The following MMP28 variants were observed in gnomAD, a reference collection of about 807,000 sequenced individuals.
The protein encoded by MMP28 is matrix metallopeptidase 28.
A neutral mutation model predicts 60.5 loss-of-function variants in MMP28; 55 were observed. The ratio of observed to expected loss-of-function variants is 0.91; its 90% confidence interval spans 0.73 to 1.14. The LOEUF (loss-of-function observed/expected upper bound fraction) is 1.14, where lower values mean the gene tolerates loss of function less well. Ranked by LOEUF, MMP28 falls within the 50% of genes most tolerant of loss-of-function variation. The pLI is 0.00. For synonymous variants in MMP28, 318 were observed against 312.5 expected (o/e 1.02, Z -0.18); for missense variants, 686 against 738.3 (o/e 0.93, Z 0.82).
chr17:35,764,197 G>A (rs1555602176), downstream of MMP28: 2 of 1,547,910 alleles, frequency 1.3e-6, no homozygotes, highest in South Asian at 2.4e-5. Flanking sequence ...GGCGCTCAGT[G>A]TCCTACTGCC....
chr17:35,773,848 A>G (rs1028387221), intron 3 of MMP28, among the ~76,000 whole-genome samples: 7 of 152,130 alleles, frequency 4.6e-5, no homozygotes, highest in Admixed American at 4.6e-4. Context: ...AGGTGGGGCC[A>G]CAGAGGCCAC....
intron 3 of MMP28, among the ~76,000 whole-genome samples, chr17:35,776,902 A>G (rs76454317): frequency 0.021 from 3,122 of 151,866 alleles, 64 homozygotes; most frequent in East Asian, 0.11. Context: ...AAAAAAAGAA[A>G]GAGAGAGAGA....
At chr17:35,765,291 C>T (rs1323272321), downstream of MMP28, among the ~76,000 whole-genome samples, 4 of 152,230 alleles carry the variant, frequency 2.6e-5, no homozygotes, top group African/African-American at 9.6e-5. Context: ...AGGGCTGAAC[C>T]CTTGCCAGAC....
At chr17:35,769,927 G>T in intron 5 of MMP28, 140 bp downstream of exon 5, 3 of 1,166,616 alleles carry the variant, frequency 2.6e-6, no homozygotes, top group Non-Finnish European at 3.5e-6. Context: ...TAGGGCTTTA[G>T]AATTGGGACG....
intron 3 of MMP28, among the ~76,000 whole-genome samples, chr17:35,776,879 G>T (rs1391869355): frequency 6.6e-6 from 1 of 151,760 alleles, no homozygotes. Flanking sequence ...ACAGAGCAAG[G>T]CTCCATCTCA....
chr17:35,787,359 T>A (rs2086682297), intron 1 of MMP28, among the ~76,000 whole-genome samples: 1 of 152,244 alleles, frequency 6.6e-6, no homozygotes. Context: ...TCCTGGGAGC[T>A]AGTGAAGACT....
intron 5 of MMP28, among the ~76,000 whole-genome samples, chr17:35,768,749 G>T (rs2086025520): frequency 6.6e-6 from 1 of 152,204 alleles, no homozygotes; most frequent in Non-Finnish European, 1.5e-5. Context: ...GGTGGAGGTT[G>T]CAGTGAGCTG....
rs759849789 is a variant in MMP28, at chr17:35,770,236, G to A, written c.681C>T (p.Ser227=). Reference sequence around the variant, plus strand: ...CGAACAGGTTGCGCCCGCGGCGGCGGCTCAGGGACCAGCGCTCATCTTGGT... The same window carrying A: ...CGAACAGGTTGCGCCCGCGGCGGCGACTCAGGGACCAGCGCTCATCTTGGT... ...HFDQDERWSL[S]RRRGRNLFVV... is the part of the protein sequence containing the mutation. Residue 227 remains serine (S), a synonymous_variant, in exon 5 of 8, where the codon AGC becomes AGT. Transcript: ENST00000605424. The A allele has an allele frequency of 3.1e-6, 5 of 1,591,804 alleles. No individual in the cohort carries two copies. The highest frequency in any genetic ancestry group is 4.3e-6 in the Non-Finnish European group (5 of 1,175,106).
chr17:35,764,282 G>T, downstream of MMP28: 2 of 1,532,858 alleles, frequency 1.3e-6, no homozygotes, highest in South Asian at 1.2e-5. Context: ...GGGCTGGCTC[G>T]GCCCCTTAGC....
intron 1 of MMP28, 91 bp from the exon 2 acceptor site, chr17:35,779,414 C>G: frequency 9.5e-7 from 1 of 1,049,814 alleles, no homozygotes; most frequent in Non-Finnish European, 1.4e-6. Context: ...CCTGCCCAGT[C>G]TCACCTCTTG....
In MMP28 at chr17:35,773,156, G is replaced by A. The variant is rs373881584; in HGVS notation, c.604+24C>T. On this transcript the variant is annotated intron_variant, in intron 4 of 7. Coordinates refer to ENST00000605424, the MANE Select transcript of MMP28 (RefSeq NM_024302.5). ...AAGTTGGGTTCCCCTCCTGCTGTGC[G>A]GGAGGGAGGCTTTGTGCCAGCACCT... 158 of 1,604,612 alleles carry A rather than the reference G, an allele frequency of 9.8e-5. 1 individual carries two copies. In the African/African-American group the frequency reaches 1.0e-3, roughly 11 times the overall value.
Position 35,765,994 on chromosome 17 carries a change from T to C in MMP28, c.*506A>G. On this transcript the variant is annotated 3_prime_UTR_variant, in exon 8 of 8. Coordinates refer to ENST00000605424, the MANE Select transcript of MMP28 (RefSeq NM_024302.5). ...CTGACCCCACAAAGGGCCTCTGAGG[T>C]TGGAGACGCCTGTGCCTTCATCCCC... The C allele has an allele frequency of 1.0e-6, 1 of 985,382 alleles. No homozygotes were observed. The highest frequency in any genetic ancestry group is 1.7e-5 in the African/African-American group (1 of 57,336). 61.0% of individuals were successfully genotyped at this position (985,382 alleles called of 1,614,324 possible).
chr17:35,767,259 A>G (rs1415461118), intron 7 of MMP28, among the ~76,000 whole-genome samples: 3 of 152,208 alleles, frequency 2.0e-5, no homozygotes, highest in African/African-American at 4.8e-5. Context: ...AAGGCACTCA[A>G]TATTGGTTGA....
At chr17:35,768,411 AAC>A (rs1188645232) in intron 5 of MMP28, 32 bp from the exon 6 acceptor site, 2 of 1,549,812 alleles carry the variant, frequency 1.3e-6, no homozygotes, top group Non-Finnish European at 1.7e-6. Context: ...AGAGAGAGAG[AAC>A]ACACATAGGG....
Position 35,766,287 on chromosome 17 carries a change from A to T in MMP28, c.*213T>A. The T allele has an allele frequency of 7.4e-7, 1 of 1,353,008 alleles. No homozygotes were observed. The highest frequency in any genetic ancestry group is 9.5e-7 in the Non-Finnish European group (1 of 1,053,610). 83.8% of individuals were successfully genotyped at this position (1,353,008 alleles called of 1,614,324 possible). On this transcript the variant is annotated 3_prime_UTR_variant, in exon 8 of 8. Transcript: ENST00000605424. This position sits in a 1 kb window ranked among gnomAD's most constrained non-coding sequence, Gnocchi z 4.3. ...GGGACCCTTTTTTGCTTTTCCTAAG[A>T]TTGATCCCACCCCCACCTCCATGTG...
chr17:35,760,770 C>T (rs1308419551), intron 2 of MMP28: 1 of 729,464 alleles, frequency 1.4e-6, no homozygotes, highest in East Asian at 2.8e-5. Context: ...CTTTGGGAGG[C>T]TCTGGAAAAG....
intron 1 of MMP28, among the ~76,000 whole-genome samples, chr17:35,788,961 ACTT>A (rs2086733026): frequency 6.6e-6 from 1 of 152,178 alleles, no homozygotes; most frequent in African/African-American, 2.4e-5. Context: ...TGCTCTTCCT[ACTT>A]ACTAGTGCTG....
In MMP28 at chr17:35,773,257, G is replaced by T; in HGVS notation, c.527C>A (p.Thr176Lys). The T allele has an allele frequency of 2.5e-6, 4 of 1,614,044 alleles. No individual in the cohort carries two copies. The highest frequency in any genetic ancestry group is 3.4e-6 in the Non-Finnish European group (4 of 1,179,898). ...GGTGAGCCGGATGTCAGCGGGGCCT[G>T]TGGCTGGGGCCTCCCAGAACTCCAG... ...SALEFWEAPA[T>K]GPADIRLTFF... The change falls in exon 4 of 8, where the codon ACA (threonine) becomes AAA (lysine). Residue 176 changes from threonine (T) to lysine (K), a missense_variant. By Grantham distance (78) the Thr-to-Lys change is moderately conservative. Coordinates refer to ENST00000605424, the MANE Select transcript of MMP28 (RefSeq NM_024302.5).
chr17:35,794,285 G>T (rs1327510685), intron 1 of MMP28, among the ~76,000 whole-genome samples: 1 of 137,222 alleles, frequency 7.3e-6, no homozygotes, highest in African/African-American at 2.8e-5. Flanking sequence ...TCACTCTGTC[G>T]CCCAGGTTGC....
Sources: gnomAD v4.1 joint callset for allele counts (sites outside exome capture counted in the v4.1 genomes callset) on GRCh38, gnomAD v4.1.1 for gene constraint, Gnocchi (gnomAD v3.1) non-coding constraint, MANE v1.5 for transcripts, NCBI Gene and HGNC (gene_info 2026-07-23, HGNC 2026-07-21) for gene names.